DLGAP1: variants seen among roughly 807,000 people sequenced by gnomAD.
DLGAP1 encodes the protein disks large-associated protein 1.
Under a neutral mutation model 90.8 loss-of-function variants are expected in DLGAP1, and 11 were observed. The ratio of observed to expected loss-of-function variants is 0.12; its 90% CI spans 0.08 to 0.20. The LOEUF (loss-of-function observed/expected upper bound fraction) is 0.20. DLGAP1 is among the 10% of genes least tolerant of loss of function. The pLI is 1.00. For missense variants in DLGAP1, 1,050 were observed against 1,333.8 expected, an observed-to-expected ratio of 0.79 and a Z score of 3.31; for synonymous variants, 558 against 540.7, an observed-to-expected ratio of 1.03 and a Z score of -0.44.
At chr18:3,594,472 G>C (rs2056465525) in intron 7 of DLGAP1, 1 of 151,974 alleles carries the variant, frequency 6.6e-6, no homozygotes, top group South Asian at 2.1e-4. Context: ...GCAATCTGTG[G>C]ATCAGCTACG....
At chr18:4,203,941 T>G (rs1030699222) in intron 1 of DLGAP1, among the ~76,000 whole-genome samples, 6 of 152,242 alleles carry the variant, frequency 3.9e-5, no homozygotes, top group African/African-American at 1.4e-4. Context: ...ATGCTTCAGC[T>G]GTTTTTCAAA....
intron 1 of DLGAP1, among the ~76,000 whole-genome samples, chr18:4,279,445 A>C (rs989107950): frequency 1.3e-5 from 2 of 152,342 alleles, no homozygotes; most frequent in African/African-American, 4.8e-5. Context: ...AAGTAAAGTA[A>C]TAAAGCTCCT....
chr18:4,107,804 T>G (rs2075896825), intron 2 of DLGAP1, among the ~76,000 whole-genome samples: 1 of 152,342 alleles, frequency 6.6e-6, no homozygotes, highest in South Asian at 2.1e-4. Flanking sequence ...TGCCAGATTC[T>G]ATTTCCTTTT....
intron 3 of DLGAP1, among the ~76,000 whole-genome samples, chr18:3,904,131 C>T (rs1055749834): frequency 2.6e-5 from 4 of 152,202 alleles, no homozygotes; most frequent in African/African-American, 9.6e-5. Flanking sequence ...CTCTCAGGAG[C>T]ATTTACATTA....
At chr18:4,219,206 A>C (rs56942799) in intron 1 of DLGAP1, among the ~76,000 whole-genome samples, 8,923 of 151,338 alleles carry the variant, frequency 0.059, 889 homozygotes, top group African/African-American at 0.2. Context: ...TGGGGTTTTA[A>C]TTTGCGTTTC....
intron 7 of DLGAP1, among the ~76,000 whole-genome samples, chr18:3,626,436 A>C (rs1168207018): frequency 6.6e-6 from 1 of 151,988 alleles, no homozygotes; most frequent in Non-Finnish European, 1.5e-5. Context: ...TCTACAAAAA[A>C]TACAAAAATT....
At chr18:3,709,665 G>A (rs2061541710) in intron 7 of DLGAP1, among the ~76,000 whole-genome samples, 1 of 152,188 alleles carries the variant, frequency 6.6e-6, no homozygotes, top group East Asian at 1.9e-4. Flanking sequence ...GTATTGACAT[G>A]AAAAGTCAAT....
intron 1 of DLGAP1, among the ~76,000 whole-genome samples, chr18:4,384,117 T>C (rs561725853): frequency 6.6e-6 from 1 of 152,298 alleles, no homozygotes; most frequent in African/African-American, 2.4e-5. Flanking sequence ...GAATTGAAGA[T>C]ATTATTCAAT....
At chr18:3,514,173 C>G (rs1371323799) in intron 10 of DLGAP1, among the ~76,000 whole-genome samples, 2 of 150,422 alleles carry the variant, frequency 1.3e-5, no homozygotes, top group African/African-American at 4.9e-5. Flanking sequence ...GTGGCACGAT[C>G]TCGGCTCACT....
At chr18:3,706,807 A>C (rs1482883509) in intron 7 of DLGAP1, among the ~76,000 whole-genome samples, 4 of 152,156 alleles carry the variant, frequency 2.6e-5, no homozygotes, top group African/African-American at 9.7e-5. Context: ...AGTAAGCAAG[A>C]AACTTCAGGA....
chr18:3,846,591 A>G (rs1344108304), intron 4 of DLGAP1, among the ~76,000 whole-genome samples: 1 of 152,246 alleles, frequency 6.6e-6, no homozygotes, highest in Non-Finnish European at 1.5e-5. Context: ...TAGTATATCC[A>G]TACAATAAAA....
intron 5 of DLGAP1, among the ~76,000 whole-genome samples, chr18:3,791,781 A>T (rs1281718970): frequency 6.6e-6 from 1 of 152,206 alleles, no homozygotes; most frequent in Non-Finnish European, 1.5e-5. Context: ...GTGTGGTGGT[A>T]CACGCCTGTG....
intron 7 of DLGAP1, among the ~76,000 whole-genome samples, chr18:3,586,759 C>T (rs1028432818): frequency 1.3e-5 from 2 of 152,194 alleles, no homozygotes; most frequent in South Asian, 4.1e-4. Flanking sequence ...CCCCAACATC[C>T]CCCTTTCCTA....
chr18:4,248,491 C>T (rs898392441), intron 1 of DLGAP1: 1 of 152,198 alleles, frequency 6.6e-6, no homozygotes, highest in Non-Finnish European at 1.5e-5. Flanking sequence ...CCTGTTTTAA[C>T]ATTTTCTTAT....
chr18:3,702,711 C>T (rs2092476983), intron 7 of DLGAP1, among the ~76,000 whole-genome samples: 2 of 152,100 alleles, frequency 1.3e-5, no homozygotes, highest in Admixed American at 6.5e-5. Flanking sequence ...CTGTGGGGAG[C>T]CAGAGGGCTC....
At chr18:3,504,675 G>A (rs3879739) in intron 11 of DLGAP1, among the ~76,000 whole-genome samples, 27,464 of 152,152 alleles carry the variant, frequency 0.18, 2,643 homozygotes, top group Non-Finnish European at 0.23. Context: ...AAGCCACTTC[G>A]CCCCGCCAGT....
intron 3 of DLGAP1, chr18:3,977,761 G>T: frequency 2.8e-6 from 1 of 361,702 alleles, no homozygotes; most frequent in Non-Finnish European, 5.3e-6. Context: ...GCCCACCCCA[G>T]CTTTGAAGGT....
intron 1 of DLGAP1, among the ~76,000 whole-genome samples, chr18:4,405,276 G>A (rs574553383): frequency 6.6e-6 from 1 of 152,054 alleles, no homozygotes; most frequent in African/African-American, 2.4e-5. Context: ...GCAACGTGGT[G>A]GTCCATTTTC....
chr18:4,053,414 C>A (rs1433977697), intron 2 of DLGAP1, among the ~76,000 whole-genome samples: 1 of 152,100 alleles, frequency 6.6e-6, no homozygotes, highest in Non-Finnish European at 1.5e-5. Context: ...AAGGTAACTG[C>A]CCCCATGATG....
Sources: gnomAD v4.1 joint callset for allele counts (sites outside exome capture counted in the v4.1 genomes callset) on GRCh38, gnomAD v4.1.1 for gene constraint, MANE v1.5 for transcripts, NCBI Gene and HGNC (gene_info 2026-07-23, HGNC 2026-07-21) for gene names.